NECTIN1: variants seen among roughly 807,000 people sequenced by gnomAD.
The protein encoded by NECTIN1 is nectin cell adhesion molecule 1.
Under a neutral mutation model 48.0 loss-of-function variants are expected in NECTIN1, and 23 were observed. The ratio of observed to expected loss-of-function variants is 0.48; its 90% CI spans 0.34 to 0.68. The LOEUF is 0.68. NECTIN1 is among the 30% of genes least tolerant of loss of function. The pLI is 0.01. For missense variants in NECTIN1, 591 were observed against 709.9 expected (o/e 0.83, Z 1.90); for synonymous variants, 270 against 288.9 (o/e 0.93, Z 0.66).
chr11:119,671,367 C>T (rs1864859471), intron 5 of NECTIN1, among the ~76,000 whole-genome samples: 1 of 152,078 alleles, frequency 6.6e-6, no homozygotes, highest in South Asian at 2.1e-4. Flanking sequence ...CAGCTTGTCC[C>T]TATTCCTGAA....
intron 5 of NECTIN1, chr11:119,674,598 C>T: frequency 1.9e-6 from 3 of 1,614,254 alleles, no homozygotes; most frequent in African/African-American, 1.3e-5. Context: ...CTCCTCAGAA[C>T]ATCCTAGCTC....
rs988030081 is a variant in NECTIN1 at position 119,673,389 on chromosome 11, C to A, written c.1003+1770G>T. Among the ~76,000 whole-genome samples the A allele has an allele frequency of 6.6e-6, 1 of 152,156 alleles. No individual in the cohort carries two copies. Among genetic ancestry groups the A allele is most frequent in the African/African-American group, 2.4e-5 (1 of 41,442 alleles). ...CTGCCAGCAAGAGCCATGTTGTGTC[C>A]CTCTTCCAGCTGGGACCCTAGGTGG... On this transcript the variant is annotated intron_variant, in intron 5 of 5. Coordinates refer to ENST00000264025, the MANE Select transcript of NECTIN1 (RefSeq NM_002855.5). The surrounding 1 kb of genome is among the most constrained non-coding windows in gnomAD (Gnocchi z 5.8).
At position 119,727,926 on chromosome 11, in the gene NECTIN1, C is replaced by G. The variant is rs1686514994; in HGVS notation, c.79+549G>C. Among the ~76,000 whole-genome samples, 2 of 152,200 alleles carry G rather than the reference C, an allele frequency of 1.3e-5. No homozygotes were observed. The highest frequency in any genetic ancestry group is 1.3e-4 in the Admixed American group (2 of 15,290). On this transcript the variant is annotated intron_variant, in intron 1 of 5. Coordinates refer to ENST00000264025, the MANE Select transcript of NECTIN1 (RefSeq NM_002855.5). The surrounding 1 kb of genome is among the most constrained non-coding windows in gnomAD (Gnocchi z 4.1). ...ACCGCAGGTGAGCGAGGAGCCGCCT[C>G]TGCCGCAGCAGCCGACTCTCCGCGC...
intron 6 of NECTIN1, chr11:119,638,913 C>T (rs949485495): frequency 9.5e-7 from 1 of 1,048,486 alleles, no homozygotes; most frequent in South Asian, 1.3e-5. Context: ...CAAGAGCAGG[C>T]CCGGGAGCTC....
chr11:119,708,075 A>G (rs1304546160), intron 1 of NECTIN1, among the ~76,000 whole-genome samples: 1 of 152,252 alleles, frequency 6.6e-6, no homozygotes, highest in Non-Finnish European at 1.5e-5. Flanking sequence ...TCTGAAAAAT[A>G]CAAACCCAAA....
intron 1 of NECTIN1, among the ~76,000 whole-genome samples, chr11:119,704,646 C>G (rs1191354555): frequency 6.6e-6 from 1 of 152,180 alleles, no homozygotes; most frequent in Non-Finnish European, 1.5e-5. Flanking sequence ...TTCTACCGCC[C>G]CATCTGTAAC....
intron 1 of NECTIN1, among the ~76,000 whole-genome samples, chr11:119,692,456 C>A (rs1865274297): frequency 6.6e-6 from 1 of 151,404 alleles, no homozygotes; most frequent in African/African-American, 2.4e-5. Flanking sequence ...GAAGTGGACC[C>A]CATGTTTGCC....
intron 1 of NECTIN1, among the ~76,000 whole-genome samples, chr11:119,691,791 G>T (rs982777399): frequency 6.6e-6 from 1 of 152,130 alleles, no homozygotes; most frequent in Non-Finnish European, 1.5e-5. Flanking sequence ...TGTATAAAAT[G>T]ACCTCCCCAG....
exon 8 of NECTIN1, chr11:119,638,227 C>G (rs143630944): frequency 6.2e-7 from 1 of 1,613,970 alleles, no homozygotes; most frequent in Non-Finnish European, 8.5e-7. Context: ...GCTGCTGCCT[C>G]CCTGGGTCCA....
At chr11:119,688,768 T>G (rs1475912940) in intron 1 of NECTIN1, among the ~76,000 whole-genome samples, 1 of 151,792 alleles carries the variant, frequency 6.6e-6, no homozygotes, top group Non-Finnish European at 1.5e-5. Context: ...GGTCCAGAAG[T>G]GGCTGGGAAC....
At chr11:119,638,362 G>C in intron 7 of NECTIN1, 6 of 1,335,366 alleles carry the variant, frequency 4.5e-6, no homozygotes, top group Non-Finnish European at 6.3e-6. Context: ...CCCCATTCTG[G>C]CATCCCCCAC....
In NECTIN1 at chr11:119,677,701, T is replaced by C; in HGVS notation, c.587A>G (p.Gln196Arg). 1 of 1,614,160 alleles carries C rather than the reference T, an allele frequency of 6.2e-7. No individual in the cohort carries two copies. The highest frequency in any genetic ancestry group is 8.5e-7 in the Non-Finnish European group (1 of 1,180,030). Residue 196 changes from glutamine (Q) to arginine (R), a missense_variant, in exon 3 of 6, where the codon CAG becomes CGG. Physicochemically the swap from Gln to Arg is conservative, Grantham distance 43 (BLOSUM62 1). Transcript: ENST00000264025. This position sits in a 1 kb window ranked among gnomAD's most constrained non-coding sequence, Gnocchi z 5.4. ...ETRLKGEAEY[Q>R]EIRNPNGTVT... ...TGTGCCATTGGGGTTCCGGATCTCC[T>C]GGTACTCTGCCTCACCTTTTAACCG...
rs1565398709 is a variant in NECTIN1 at position 119,704,922 on chromosome 11, G to A, written c.79+23553C>T. Reference sequence around the variant, plus strand: ...AGTCCTGGCCCTGCCACTTACATGTGGTGTTATTTTCAAGTAAATTAGTCA... The same window carrying A: ...AGTCCTGGCCCTGCCACTTACATGTAGTGTTATTTTCAAGTAAATTAGTCA... On this transcript the variant is annotated intron_variant, in intron 1 of 5. Transcript: ENST00000264025. Among the ~76,000 whole-genome samples the A allele has an allele frequency of 4.6e-5, 7 of 152,196 alleles. 1 individual carries two copies. Among genetic ancestry groups the A allele is most frequent in the Admixed American group, 4.6e-4 (7 of 15,286 alleles).
At chr11:119,714,001 C>G (rs540999523) in intron 1 of NECTIN1, 14 of 384,278 alleles carry the variant, frequency 3.6e-5, no homozygotes, top group African/African-American at 6.3e-5. Context: ...GTGGCCCCCC[C>G]CTTGGTATTC....
At chr11:119,654,419 C>G (rs192824144) in intron 5 of NECTIN1, among the ~76,000 whole-genome samples, 1 of 152,110 alleles carries the variant, frequency 6.6e-6, no homozygotes, top group African/African-American at 2.4e-5. Flanking sequence ...GGGGGTAGGC[C>G]AGGTTCAGGG....
chr11:119,651,506 G>A (rs990162608), intron 5 of NECTIN1, among the ~76,000 whole-genome samples: 3 of 152,104 alleles, frequency 2.0e-5, no homozygotes, highest in African/African-American at 4.8e-5. Context: ...TGCTCCTACC[G>A]TGGTTTTCCC....
chr11:119,674,788 G>C (rs1864920049), intron 5 of NECTIN1: 1 of 1,439,482 alleles, frequency 6.9e-7, no homozygotes, highest in Non-Finnish European at 9.7e-7. Flanking sequence ...TGCAGAGCTT[G>C]GAGGAGATGA....
chr11:119,674,616 C>T (rs995378294), intron 5 of NECTIN1: 1 of 1,614,210 alleles, frequency 6.2e-7, no homozygotes, highest in African/African-American at 1.3e-5. Context: ...CTCTTGTCCT[C>T]CCTTTGCCCG....
intron 6 of NECTIN1, chr11:119,639,734 G>A (rs1179596451): frequency 8.2e-7 from 1 of 1,220,014 alleles, no homozygotes; most frequent in African/African-American, 1.5e-5. Context: ...TTAGTTCCTG[G>A]TCCCCCAGGG....
Sources: gnomAD v4.1 joint callset for allele counts (sites outside exome capture counted in the v4.1 genomes callset) on GRCh38, gnomAD v4.1.1 for gene constraint, Gnocchi (gnomAD v3.1) non-coding constraint, MANE v1.5 for transcripts, NCBI Gene and HGNC (gene_info 2026-07-23, HGNC 2026-07-21) for gene names.